The following SLC25A26 variants were observed in gnomAD, a reference collection of about 807,000 sequenced individuals.
SLC25A26 encodes mitochondrial S-adenosylmethionine carrier protein.
A neutral mutation model predicts 37.8 loss-of-function variants in SLC25A26; 36 were observed. The ratio of observed to expected loss-of-function variants is 0.95; its 90% CI spans 0.73 to 1.26. The LOEUF (loss-of-function observed/expected upper bound fraction) is 1.26. Ranked by LOEUF, SLC25A26 falls within the 50% of genes most tolerant of loss-of-function variation. The pLI is 0.00. For synonymous variants in SLC25A26, 129 were observed against 122.5 expected, an observed-to-expected ratio of 1.05 and a Z score of -0.35; for missense variants, 390 against 331.1, an observed-to-expected ratio of 1.18 and a Z score of -1.38.
upstream of SLC25A26, chr3:66,220,910 C>A (rs1036200477): frequency 6.0e-6 from 4 of 664,956 alleles, no homozygotes; most frequent in East Asian, 1.2e-4. Flanking sequence ...GGCCCCGCCC[C>A]TCCTCTCTGG....
intron 9 of SLC25A26, among the ~76,000 whole-genome samples, chr3:66,374,832 G>A (rs532291665): frequency 5.9e-5 from 9 of 151,822 alleles, no homozygotes; most frequent in Non-Finnish European, 1.0e-4. Context: ...TGTGGGCCAC[G>A]ATCGTGCCAC....
At chr3:66,285,100 G>T (rs551967837) in intron 5 of SLC25A26, among the ~76,000 whole-genome samples, 26 of 152,230 alleles carry the variant, frequency 1.7e-4, no homozygotes, top group African/African-American at 5.8e-4. Context: ...TTCTTTACCT[G>T]AGTAAATGTG....
intron 7 of SLC25A26, among the ~76,000 whole-genome samples, chr3:66,364,264 C>T (rs544345620): frequency 6.6e-6 from 1 of 151,820 alleles, no homozygotes; most frequent in African/African-American, 2.4e-5. Context: ...CAGAATAATA[C>T]TCTGTAATAG....
chr3:66,136,527 A>C (rs1221555983), intron 1 of SLC25A26, among the ~76,000 whole-genome samples: 1 of 152,256 alleles, frequency 6.6e-6, no homozygotes, highest in Non-Finnish European at 1.5e-5. Flanking sequence ...AACTCATTGC[A>C]CTGTCTCGTC....
At chr3:66,348,265 T>G (rs1428760053) in intron 6 of SLC25A26, among the ~76,000 whole-genome samples, 1 of 152,210 alleles carries the variant, frequency 6.6e-6, no homozygotes, top group Non-Finnish European at 1.5e-5. Context: ...GTGTGGGTCT[T>G]TGTCAGCATT....
intron 6 of SLC25A26, among the ~76,000 whole-genome samples, chr3:66,352,185 G>A (rs1284895785): frequency 1.3e-5 from 2 of 152,106 alleles, no homozygotes; most frequent in South Asian, 2.1e-4. Context: ...CAACCTGGGC[G>A]ACAGAGTGAG....
intron 1 of SLC25A26, among the ~76,000 whole-genome samples, chr3:66,176,495 C>G (rs1362830069): frequency 2.0e-5 from 3 of 152,062 alleles, no homozygotes; most frequent in Non-Finnish European, 2.9e-5. Context: ...ATCAAAAATA[C>G]ATTTGAACCT....
Position 66,236,524 on chromosome 3 carries a change from TC to T in SLC25A26, c.34-17del. On this transcript the variant is annotated intron_variant, in intron 1 of 9. Coordinates refer to ENST00000354883, the MANE Select transcript of SLC25A26 (RefSeq NM_001379210.1). ...TGTAACCTTTTTTTTTTCTTTTTCT[TC>T]CCTCTTTTTTTTTCAAAGGCTGGTG... 7.0e-7 allele frequency: 1 copy of T among 1,431,778 alleles called. No homozygotes were observed. The highest frequency in any genetic ancestry group is 9.2e-7 in the Non-Finnish European group (1 of 1,087,190). The allele number at this position is 1,431,778 out of a possible 1,614,324, so 88.7% of individuals were successfully genotyped here.
intron 5 of SLC25A26, among the ~76,000 whole-genome samples, chr3:66,286,142 A>C (rs1350129234): frequency 6.6e-6 from 1 of 152,178 alleles, no homozygotes; most frequent in Non-Finnish European, 1.5e-5. Flanking sequence ...ATTTTCTAAT[A>C]ATCTGTAACT....
At chr3:66,342,566 A>G in intron 5 of SLC25A26, among the ~76,000 whole-genome samples, 1 of 151,818 alleles carries the variant, frequency 6.6e-6, no homozygotes, top group East Asian at 1.9e-4. Flanking sequence ...TTTTAAGATT[A>G]CAGGGATAGA....
chr3:66,311,328 T>G (rs956454737), intron 5 of SLC25A26, among the ~76,000 whole-genome samples: 10 of 152,122 alleles, frequency 6.6e-5, no homozygotes, highest in African/African-American at 2.4e-4. Context: ...GTGCTGTGTT[T>G]TCCAGCTCCA....
chr3:66,312,418 C>A (rs750374036), intron 5 of SLC25A26, among the ~76,000 whole-genome samples: 1 of 152,040 alleles, frequency 6.6e-6, no homozygotes, highest in Non-Finnish European at 1.5e-5. Context: ...GCTTGCTGGG[C>A]TCTGTGGGGG....
chr3:66,224,626 A>C (rs978772311), intron 1 of SLC25A26, among the ~76,000 whole-genome samples: 2 of 152,180 alleles, frequency 1.3e-5, no homozygotes, highest in African/African-American at 4.8e-5. Context: ...CAAATCTCCT[A>C]TCCTCACATT....
chr3:66,241,455 T>G (rs533083622), intron 2 of SLC25A26, among the ~76,000 whole-genome samples: 1 of 152,340 alleles, frequency 6.6e-6, no homozygotes, highest in Non-Finnish European at 1.5e-5. Flanking sequence ...AAAGATTATT[T>G]TGGGAAGATG....
At chr3:66,331,499 ATG>A (rs2075973228) in intron 5 of SLC25A26, among the ~76,000 whole-genome samples, 1 of 151,774 alleles carries the variant, frequency 6.6e-6, no homozygotes, top group South Asian at 2.1e-4. Flanking sequence ...ATTTTGTTTT[ATG>A]TGTGTGTGTT....
chr3:66,146,252 A>G (rs2070113250), intron 1 of SLC25A26, among the ~76,000 whole-genome samples: 1 of 151,964 alleles, frequency 6.6e-6, no homozygotes, highest in African/African-American at 2.4e-5. Context: ...AGGCAGGAGA[A>G]TCGCTTGAAC....
At chr3:66,172,092 T>A (rs1238329118) in intron 1 of SLC25A26, among the ~76,000 whole-genome samples, 1 of 152,128 alleles carries the variant, frequency 6.6e-6, no homozygotes, top group Non-Finnish European at 1.5e-5. Flanking sequence ...TAGCAAATGC[T>A]AGAAACTCAA....
intron 1 of SLC25A26, among the ~76,000 whole-genome samples, chr3:66,167,025 A>G (rs1435412396): frequency 6.6e-6 from 1 of 152,146 alleles, no homozygotes; most frequent in Non-Finnish European, 1.5e-5. Flanking sequence ...GTCTGCCACC[A>G]TGTGAGATGT....
chr3:66,286,665 C>G (rs2074523119), intron 5 of SLC25A26, among the ~76,000 whole-genome samples: 1 of 151,928 alleles, frequency 6.6e-6, no homozygotes, highest in South Asian at 2.1e-4. Flanking sequence ...GAGACCTTTC[C>G]CTTCGTTTTT....
Sources: allele counts gnomAD v4.1 joint callset (sites outside exome capture counted in the v4.1 genomes callset), GRCh38; gene constraint gnomAD v4.1.1; transcripts MANE v1.5; gene names NCBI Gene and HGNC (gene_info 2026-07-23, HGNC 2026-07-21).